OXR1: variants seen among roughly 807,000 people sequenced by gnomAD.
OXR1 encodes the protein oxidation resistance protein 1.
In OXR1, 41 loss-of-function variants were observed where a neutral mutation model predicts 104.6. That is an observed-to-expected ratio of 0.39 (90% CI 0.31 to 0.51). The LOEUF (loss-of-function observed/expected upper bound fraction) is 0.51, where lower values mean the gene tolerates loss of function less well. Among genes scored for constraint, OXR1 ranks in the 20% least tolerant of loss-of-function variants. OXR1 has a pLI of 0.77. For missense variants in OXR1, 955 were observed against 1,031.9 expected (o/e 0.93, Z 1.02); for synonymous variants, 348 against 348.4 (o/e 1.00, Z 0.01).
intron 3 of OXR1, among the ~76,000 whole-genome samples, chr8:106,628,360 C>T (rs1267294687): frequency 3.3e-5 from 5 of 152,144 alleles, no homozygotes; most frequent in African/African-American, 1.2e-4. Flanking sequence ...CTCATTTAAT[C>T]TTCATACAAC....
At chr8:106,456,878 A>ATG (rs969545374) in intron 2 of OXR1, among the ~76,000 whole-genome samples, 2 of 152,104 alleles carry the variant, frequency 1.3e-5, no homozygotes, top group South Asian at 2.1e-4. Flanking sequence ...TGTGTGTTGT[A>ATG]TGTGTGTGTG....
chr8:106,518,812 T>C (rs1813050849), intron 2 of OXR1, 131 bp from the exon 3 acceptor site: 2 of 540,164 alleles, frequency 3.7e-6, no homozygotes, highest in Non-Finnish European at 3.2e-6. Flanking sequence ...AGGGAATGTC[T>C]ATCATTTCTG....
intron 1 of OXR1, among the ~76,000 whole-genome samples, chr8:106,355,546 A>G (rs1410658370): frequency 6.7e-6 from 1 of 149,998 alleles, no homozygotes; most frequent in Non-Finnish European, 1.5e-5. Context: ...TATTCTTGAC[A>G]AAATAAATCA....
chr8:106,667,574 G>T (rs1826475503), intron 3 of OXR1, among the ~76,000 whole-genome samples: 1 of 152,154 alleles, frequency 6.6e-6, no homozygotes, highest in Non-Finnish European at 1.5e-5. Flanking sequence ...AAATGACTGT[G>T]TGGCAAGGTC....
intron 2 of OXR1, 110 bp downstream of exon 2, chr8:106,359,746 T>C: frequency 1.2e-6 from 1 of 810,464 alleles, no homozygotes. Flanking sequence ...CTTAAAAATC[T>C]GGTTTCCAAA....
chr8:106,554,547 C>T (rs1816117744), intron 3 of OXR1, among the ~76,000 whole-genome samples: 2 of 152,294 alleles, frequency 1.3e-5, no homozygotes, highest in African/African-American at 4.8e-5. Context: ...GATAATTGCA[C>T]TATGGTTAGG....
At chr8:106,394,016 A>T (rs1194518420) in intron 2 of OXR1, among the ~76,000 whole-genome samples, 1 of 152,078 alleles carries the variant, frequency 6.6e-6, no homozygotes, top group East Asian at 1.9e-4. Context: ...ATTTTAGGGA[A>T]ATAGTAGAAA....
chr8:106,328,300 G>A (rs1421572405), intron 1 of OXR1, among the ~76,000 whole-genome samples: 2 of 152,174 alleles, frequency 1.3e-5, no homozygotes, highest in Admixed American at 6.5e-5. Context: ...AGATAGGAAA[G>A]GTGAAATGGC....
At position 106,696,409 on chromosome 8, in the gene OXR1, C is replaced by G. The variant is rs182252820; in HGVS notation, c.675+3532C>G. Reference sequence around the variant, plus strand: ...TCTTGATCACTCTTAAGTTTTGGCACTTGTAAATGAAGCTACTTTAAACAT... The same window carrying G: ...TCTTGATCACTCTTAAGTTTTGGCAGTTGTAAATGAAGCTACTTTAAACAT... On this transcript the variant is annotated intron_variant, in intron 7 of 16. Coordinates refer to ENST00000517566, the MANE Select transcript of OXR1 (RefSeq NM_001198533.2). Among the ~76,000 whole-genome samples the G allele has an allele frequency of 2.1e-3, 316 of 152,236 alleles. 4 individuals are homozygous for G. The highest frequency in any genetic ancestry group is 2.6e-3 in the Non-Finnish European group (180 of 68,018).
chr8:106,707,364 C>T (rs2131377703), intron 9 of OXR1: 1 of 639,890 alleles, frequency 1.6e-6, no homozygotes, highest in South Asian at 1.8e-5. Context: ...ATCATTGCTA[C>T]CCACCATGTT....
chr8:106,619,240 A>G (rs1821493408), intron 3 of OXR1, among the ~76,000 whole-genome samples: 1 of 152,174 alleles, frequency 6.6e-6, no homozygotes, highest in African/African-American at 2.4e-5. Context: ...ATCCCTTTTT[A>G]AGTTAGTAAT....
At chr8:106,694,484 TTTG>T in intron 7 of OXR1, among the ~76,000 whole-genome samples, 2 of 114,370 alleles carry the variant, frequency 1.7e-5, no homozygotes, top group Admixed American at 9.0e-5. Context: ...TATATATATA[TTTG>T]ATATATAAAT....
At chr8:106,508,480 ACT>A (rs34789070) in intron 2 of OXR1, among the ~76,000 whole-genome samples, 75,951 of 151,546 alleles carry the variant, frequency 0.5, 21,239 homozygotes, top group Non-Finnish European at 0.63. Flanking sequence ...TGATTCTCAA[ACT>A]GAGGAAGAGG....
chr8:106,283,140 G>A (rs1812358421), intron 1 of OXR1, among the ~76,000 whole-genome samples: 1 of 152,112 alleles, frequency 6.6e-6, no homozygotes, highest in Admixed American at 6.6e-5. Flanking sequence ...CAATTCCATA[G>A]GAAACACTGG....
chr8:106,324,987 A>T (rs1038926820), intron 1 of OXR1, among the ~76,000 whole-genome samples: 2 of 152,246 alleles, frequency 1.3e-5, no homozygotes, highest in East Asian at 3.8e-4. Context: ...CAATCTTTTC[A>T]TAATTCCTGC....
intron 7 of OXR1, among the ~76,000 whole-genome samples, chr8:106,698,399 G>C (rs1009590303): frequency 6.6e-6 from 1 of 152,020 alleles, no homozygotes; most frequent in African/African-American, 2.4e-5. Context: ...TTTGCTGGGG[G>C]TTCCTTTAGC....
chr8:106,408,300 G>C (rs1818322596), intron 2 of OXR1, among the ~76,000 whole-genome samples: 2 of 152,006 alleles, frequency 1.3e-5, no homozygotes, highest in African/African-American at 4.8e-5. Flanking sequence ...TAATTCAAAG[G>C]TGTGTTTTTT....
At chr8:106,564,502 A>C (rs1816930473) in intron 3 of OXR1, among the ~76,000 whole-genome samples, 1 of 152,114 alleles carries the variant, frequency 6.6e-6, no homozygotes, top group Non-Finnish European at 1.5e-5. Context: ...TAGCCTACCA[A>C]CCAAAAAAAA....
intron 2 of OXR1, among the ~76,000 whole-genome samples, chr8:106,502,225 C>A (rs893000658): frequency 6.6e-6 from 1 of 152,156 alleles, no homozygotes; most frequent in Non-Finnish European, 1.5e-5. Flanking sequence ...AATGCTGTGC[C>A]TTCATTGTCT....
Sources: gnomAD v4.1 joint callset for allele counts (sites outside exome capture counted in the v4.1 genomes callset) on GRCh38, gnomAD v4.1.1 for gene constraint, MANE v1.5 for transcripts, NCBI Gene and HGNC (gene_info 2026-07-23, HGNC 2026-07-21) for gene names.